Variants in MYO9A observed in about 807,000 individuals in gnomAD.
MYO9A encodes myosin IXA, also known as unconventional myosin-IXa.
In MYO9A, 103 loss-of-function variants were observed where a neutral mutation model predicts 293.3. That is an observed-to-expected ratio of 0.35 (90% CI 0.30 to 0.41). The LOEUF (loss-of-function observed/expected upper bound fraction) is 0.41, where lower values mean the gene tolerates loss of function less well. Ranked by LOEUF, MYO9A falls within the 10% of genes least tolerant of loss-of-function variation. The pLI, the probability that MYO9A is intolerant of heterozygous loss-of-function variation, is 1.00. For missense variants in MYO9A, 2,685 were observed against 3,033.0 expected (o/e 0.89, Z 2.69); for synonymous variants, 1,001 against 1,035.7 (o/e 0.97, Z 0.64).
chr15:71,971,088 G>A (rs893343944), intron 12 of MYO9A, among the ~76,000 whole-genome samples: 4 of 151,734 alleles, frequency 2.6e-5, no homozygotes, highest in African/African-American at 9.7e-5. Flanking sequence ...ATTAACCCGG[G>A]AAGCAGAGCT....
At chr15:71,969,825 T>C (rs2147341277) in intron 12 of MYO9A, among the ~76,000 whole-genome samples, 1 of 152,242 alleles carries the variant, frequency 6.6e-6, no homozygotes, top group East Asian at 1.9e-4. Flanking sequence ...AAAAAAAATT[T>C]GGAACACAAG....
chr15:72,118,018 G>T lies in MYO9A; in HGVS notation c.-410C>A, dbSNP rs1439594700. ...GCCGCCGCCTCTCGCAGTCCGGGCT[G>T]TCCTGTACTCTCTCAACAGACACAG... On this transcript the variant is annotated 5_prime_UTR_variant, in exon 1 of 42. Transcript: ENST00000356056. The T allele has an allele frequency of 5.0e-6, 2 of 397,916 alleles. No individual in the cohort carries two copies. The highest frequency in any genetic ancestry group is 4.1e-5 in the African/African-American group (2 of 48,566). The allele number at this position is 397,916 out of a possible 1,614,324, so 24.6% of individuals were successfully genotyped here.
chr15:72,082,176 T>C (rs1312787450), intron 1 of MYO9A, among the ~76,000 whole-genome samples: 2 of 152,196 alleles, frequency 1.3e-5, no homozygotes, highest in South Asian at 2.1e-4. Context: ...TGTTTTTCTA[T>C]TAGTTTGTGT....
Position 71,830,165 on chromosome 15 carries a change from AGCTGCTT to A in MYO9A, c.6977_6983del (p.Gln2326LeufsTer9), listed in dbSNP as rs2054661181. ...TCAGTACTCTCTCCTCCTGCTGCATAGCTGCTTGCTGCTGTTCTGTGATGTCAGTCTC... is the reference window on the plus strand; with the variant it reads ...TCAGTACTCTCTCCTCCTGCTGCATAGCTGCTGTTCTGTGATGTCAGTCTC... On this transcript the variant is annotated frameshift_variant, in exon 40 of 42. Transcript: ENST00000356056. LOFTEE classifies it high-confidence loss of function. 1 of 1,613,980 alleles carries A rather than the reference AGCTGCTT, an allele frequency of 6.2e-7. No homozygotes were observed. The highest frequency in any genetic ancestry group is 1.3e-5 in the African/African-American group (1 of 74,920).
chr15:71,972,606 C>A (rs760256881), intron 12 of MYO9A, among the ~76,000 whole-genome samples: 5 of 152,296 alleles, frequency 3.3e-5, no homozygotes, highest in East Asian at 1.9e-4. Context: ...GAAAACCCCA[C>A]AAACGTTTGG....
At chr15:71,956,328 A>ATATATATATATAT (rs1555490908) in intron 14 of MYO9A, among the ~76,000 whole-genome samples, 7 of 15,182 alleles carry the variant, frequency 4.6e-4, no homozygotes, top group African/African-American at 6.7e-4. Flanking sequence ...AAAAAAAAAA[A>ATATATATATATAT]AAATATATAT....
At chr15:71,840,773 G>C (rs956972417) in intron 39 of MYO9A, among the ~76,000 whole-genome samples, 1 of 152,108 alleles carries the variant, frequency 6.6e-6, no homozygotes, top group African/African-American at 2.4e-5. Context: ...GGGACTACAG[G>C]CGCCTGCCAC....
intron 1 of MYO9A, among the ~76,000 whole-genome samples, chr15:72,058,230 G>T (rs1386972868): frequency 6.6e-6 from 1 of 152,076 alleles, no homozygotes; most frequent in Non-Finnish European, 1.5e-5. Flanking sequence ...ATATGGAAAA[G>T]AATTTATAAC....
chr15:71,994,507 C>T lies in MYO9A; in HGVS notation c.1549G>A (p.Ala517Thr), dbSNP rs140578080. The T allele has an allele frequency of 1.2e-6, 2 of 1,610,780 alleles. No individual in the cohort carries two copies. The highest frequency in any genetic ancestry group is 1.3e-5 in the African/African-American group (1 of 74,714). The change falls in exon 10 of 42, where the codon GCA becomes ACA. Residue 517 changes from alanine to threonine, a missense_variant. By Grantham distance (58) the Ala-to-Thr change is moderately conservative. Around this residue, in one of 10 missense-constraint regions of MYO9A, gnomAD observed 201 missense variants for 245.2 expected, o/e 0.82. Coordinates refer to ENST00000356056, the MANE Select transcript of MYO9A (RefSeq NM_006901.4). ...FDWIVFRINH[A>T]LLNSKDLEHN... Reference sequence around the variant, plus strand: ...TCTAAATCTTTACTATTCAGAAGTGCATGATTAATTCGAAAAACTATCCAG... The same window carrying T: ...TCTAAATCTTTACTATTCAGAAGTGTATGATTAATTCGAAAAACTATCCAG...
At chr15:71,884,884 C>T (rs1283132603) in intron 27 of MYO9A, among the ~76,000 whole-genome samples, 1 of 151,476 alleles carries the variant, frequency 6.6e-6, no homozygotes, top group Non-Finnish European at 1.5e-5. Context: ...CAAACTAAGG[C>T]TTACAGGCCT....
intron 1 of MYO9A, among the ~76,000 whole-genome samples, chr15:72,057,641 C>T (rs767222335): frequency 6.6e-5 from 10 of 152,180 alleles, no homozygotes; most frequent in Non-Finnish European, 1.0e-4. Flanking sequence ...ATTTTTGCTG[C>T]AACTGTCGGA....
intron 1 of MYO9A, among the ~76,000 whole-genome samples, chr15:72,054,731 T>C (rs1202248130): frequency 1.4e-5 from 2 of 147,572 alleles, no homozygotes; most frequent in Non-Finnish European, 3.0e-5. Context: ...GAAATGTTTA[T>C]TAGTTAGGGG....
At chr15:71,892,988 C>T (rs988174393) in intron 26 of MYO9A, 2 of 1,283,082 alleles carry the variant, frequency 1.6e-6, no homozygotes, top group Non-Finnish European at 2.0e-6. Flanking sequence ...CTGTGAGAGG[C>T]CTGACCCAGG....
At chr15:71,856,579 T>C (rs1331110379) in intron 34 of MYO9A, among the ~76,000 whole-genome samples, 1 of 152,140 alleles carries the variant, frequency 6.6e-6, no homozygotes, top group Non-Finnish European at 1.5e-5. Flanking sequence ...GCTACGGAAA[T>C]GAAGCTACCA....
intron 11 of MYO9A, among the ~76,000 whole-genome samples, chr15:71,986,227 C>A (rs901346056): frequency 6.6e-6 from 1 of 152,154 alleles, no homozygotes; most frequent in Non-Finnish European, 1.5e-5. Flanking sequence ...CTAAAGTATA[C>A]TGGAGAATGT....
chr15:71,963,827 A>T (rs1276747016), intron 13 of MYO9A, among the ~76,000 whole-genome samples: 5 of 152,208 alleles, frequency 3.3e-5, no homozygotes, highest in African/African-American at 1.2e-4. Flanking sequence ...ACAAATCTTA[A>T]AGGATATGTC....
chr15:71,905,202 A>ATAT (rs545130156), intron 19 of MYO9A, among the ~76,000 whole-genome samples, 196 bp from the exon 20 acceptor site: 102 of 152,336 alleles, frequency 6.7e-4, no homozygotes, highest in African/African-American at 2.4e-3. Context: ...TGGTAGTTTA[A>ATAT]TATTAAAGCA....
chr15:71,905,144 T>C, intron 19 of MYO9A, 138 bp from the exon 20 acceptor site: 1 of 567,028 alleles, frequency 1.8e-6, no homozygotes, highest in Non-Finnish European at 3.0e-6. Flanking sequence ...AAAAGCACAT[T>C]GTGTATATTC....
chr15:72,107,055 G>A (rs1283225440), intron 1 of MYO9A, among the ~76,000 whole-genome samples: 1 of 152,062 alleles, frequency 6.6e-6, no homozygotes, highest in Non-Finnish European at 1.5e-5. Flanking sequence ...TCAACGTAAA[G>A]GAGATTAAAA....
Sources: gnomAD v4.1 joint callset for allele counts (sites outside exome capture counted in the v4.1 genomes callset) on GRCh38, gnomAD v4.1.1 for gene constraint, gnomAD v4.1.1 regional missense constraint, MANE v1.5 for transcripts, NCBI Gene and HGNC (gene_info 2026-07-23, HGNC 2026-07-21) for gene names.